Variants in DEAF1 observed in about 807,000 individuals in gnomAD.
DEAF1 encodes deformed epidermal autoregulatory factor 1 homolog.
DEAF1 carries 53 observed loss-of-function variants against 58.9 expected under a neutral mutation model. The observed-to-expected ratio is 0.90, with a 90% CI of 0.72 to 1.13. DEAF1 has a LOEUF of 1.13. Ranked by LOEUF, DEAF1 falls within the 50% of genes most tolerant of loss-of-function variation. DEAF1 has a pLI of 0.00. For synonymous variants in DEAF1, 385 were observed against 340.4 expected, an observed-to-expected ratio of 1.13 and a Z score of -1.44; for missense variants, 685 against 791.4, an observed-to-expected ratio of 0.87 and a Z score of 1.61.
chr11:674,870 C>A, intron 9 of DEAF1, 87 bp from the exon 10 acceptor site: 1 of 1,574,114 alleles, frequency 6.4e-7, no homozygotes, highest in South Asian at 1.1e-5. Flanking sequence ...CTCAGCCGGG[C>A]GCGGTGGCTC....
upstream of DEAF1, chr11:699,109 A>C: frequency 1.8e-6 from 1 of 549,240 alleles, no homozygotes; most frequent in Non-Finnish European, 3.2e-6. Flanking sequence ...AAAGTGGCTA[A>C]GCACGCCACA....
upstream of DEAF1, among the ~76,000 whole-genome samples, chr11:696,716 T>C (rs1352429780): frequency 1.3e-5 from 2 of 152,200 alleles, no homozygotes; most frequent in African/African-American, 4.8e-5. Context: ...CAGTGAGCCG[T>C]GATGGCGCCA....
At chr11:676,905 C>G (rs983558197) in intron 9 of DEAF1, among the ~76,000 whole-genome samples, 3 of 152,196 alleles carry the variant, frequency 2.0e-5, no homozygotes, top group Non-Finnish European at 4.4e-5. Context: ...TGGTTTTCAA[C>G]ACACACAGAT....
chr11:673,574 G>A (rs921598742), intron 10 of DEAF1, among the ~76,000 whole-genome samples: 2 of 152,100 alleles, frequency 1.3e-5, no homozygotes, highest in African/African-American at 2.4e-5. Context: ...GGGGGAAAAC[G>A]TTTCTTACAT....
At chr11:689,245 A>G (rs1860731803) in intron 2 of DEAF1, among the ~76,000 whole-genome samples, 1 of 121,400 alleles carries the variant, frequency 8.2e-6, no homozygotes, top group Middle Eastern at 6.4e-3. Flanking sequence ...TCGTTCTGTC[A>G]CCCAGGCTGG....
At chr11:666,591 G>C (rs1353205479) in intron 10 of DEAF1, 1 of 152,208 alleles carries the variant, frequency 6.6e-6, no homozygotes, top group African/African-American at 2.4e-5. Flanking sequence ...TGTAGTCCCA[G>C]CTACTCGGGA....
At chr11:652,102 C>T (rs149321046) in intron 11 of DEAF1, among the ~76,000 whole-genome samples, 1 of 152,208 alleles carries the variant, frequency 6.6e-6, no homozygotes, top group Non-Finnish European at 1.5e-5. Context: ...TAGGCCCTAA[C>T]ACAAATCTCA....
intron 1 of DEAF1, chr11:700,344 T>C (rs1590036440): frequency 2.0e-6 from 2 of 1,018,632 alleles, no homozygotes; most frequent in East Asian, 2.4e-5. Flanking sequence ...CAGGCCAACA[T>C]GGGGAAACCC....
intron 11 of DEAF1, among the ~76,000 whole-genome samples, chr11:651,580 G>A (rs1858774537): frequency 6.6e-6 from 1 of 151,906 alleles, no homozygotes; most frequent in East Asian, 1.9e-4. Context: ...CAGGCATAAT[G>A]GCAGATAAAA....
upstream of DEAF1, chr11:695,277 G>A: frequency 2.2e-6 from 1 of 463,510 alleles, no homozygotes; most frequent in Non-Finnish European, 3.7e-6. Context: ...AGCCGAACCT[G>A]CACGAAGCCG....
At chr11:683,809 C>T (rs1860472336) in intron 6 of DEAF1, among the ~76,000 whole-genome samples, 1 of 152,156 alleles carries the variant, frequency 6.6e-6, no homozygotes, top group Non-Finnish European at 1.5e-5. Flanking sequence ...TCAGCATTTT[C>T]TTTAGTATCT....
At chr11:685,012 G>T (rs1403921002) in intron 5 of DEAF1, 49 bp from the exon 6 acceptor site, 2 of 1,409,916 alleles carry the variant, frequency 1.4e-6, no homozygotes, top group Non-Finnish European at 9.8e-7. Context: ...GCCCCTAAAT[G>T]TCAATCATTC....
Position 644,353 on chromosome 11 carries a change from A to T in DEAF1, c.*197T>A, listed in dbSNP as rs76700409. On this transcript the variant is annotated 3_prime_UTR_variant, in exon 12 of 12. Coordinates refer to ENST00000382409, the MANE Select transcript of DEAF1 (RefSeq NM_021008.4). This position sits in a 1 kb window ranked among gnomAD's most constrained non-coding sequence, Gnocchi z 4.3. ...ATAAAAAATCTGTCCGCGAGCGGGC[A>T]GGGGGCCCGGGCAGGGGGAGTGCGC... 3.2e-6 allele frequency: 2 copies of T among 631,112 alleles called. No homozygotes were observed. Among genetic ancestry groups the T allele is most frequent in the Non-Finnish European group, 2.9e-6 (1 of 350,222 alleles). The allele number at this position is 631,112 out of a possible 1,614,324, so 39.1% of individuals were successfully genotyped here. A position where few individuals can be genotyped will look rare whatever the true frequency, so the allele number is the denominator to read the frequency against.
chr11:678,463 C>G (rs1860180733), intron 9 of DEAF1: 2 of 526,868 alleles, frequency 3.8e-6, no homozygotes, highest in Non-Finnish European at 6.7e-6. Context: ...TGCCCTGCTG[C>G]TGTACCAAAA....
intron 11 of DEAF1, among the ~76,000 whole-genome samples, chr11:647,194 G>A (rs1340051569): frequency 2.6e-5 from 4 of 151,976 alleles, no homozygotes; most frequent in Non-Finnish European, 5.9e-5. Flanking sequence ...GGTGGCTCAT[G>A]CCAGTAATCT....
At chr11:659,896 TG>T (rs2133313439) in intron 10 of DEAF1, among the ~76,000 whole-genome samples, 1 of 152,246 alleles carries the variant, frequency 6.6e-6, no homozygotes, top group African/African-American at 2.4e-5. Flanking sequence ...AACCGGAAGC[TG>T]GGGAGTCCCA....
At position 688,718 on chromosome 11, in the gene DEAF1, A is replaced by G. The variant is rs1487228762; in HGVS notation, c.388-258T>C. 6.6e-6 allele frequency among the ~76,000 whole-genome samples: 1 copy of G among 152,180 alleles called. No individual in the cohort carries two copies. Among genetic ancestry groups the G allele is most frequent in the Non-Finnish European group, 1.5e-5 (1 of 68,046 alleles). On this transcript the variant is annotated intron_variant, in intron 2 of 11. Coordinates refer to ENST00000382409, the MANE Select transcript of DEAF1 (RefSeq NM_021008.4). The surrounding 1 kb of genome is among the most constrained non-coding windows in gnomAD (Gnocchi z 4.3). ...ATCATTTGTCAAAGGGAAGGAAGAA[A>G]GGTGCTCCACAAACAAGAAACACCC...
At chr11:674,893 C>T in intron 9 of DEAF1, 110 bp from the exon 10 acceptor site, 1 of 1,485,352 alleles carries the variant, frequency 6.7e-7, no homozygotes, top group Non-Finnish European at 9.2e-7. Context: ...GCCTGTAATC[C>T]CAGCACTTTG....
At chr11:701,562 C>A (rs2133469955) in intron 1 of DEAF1, among the ~76,000 whole-genome samples, 2 of 152,212 alleles carry the variant, frequency 1.3e-5, no homozygotes, top group Middle Eastern at 6.8e-3. Flanking sequence ...AGGTGCCCGC[C>A]ACCACGCCCG....
Sources: gnomAD v4.1 joint callset for allele counts (sites outside exome capture counted in the v4.1 genomes callset) on GRCh38, gnomAD v4.1.1 for gene constraint, Gnocchi (gnomAD v3.1) non-coding constraint, MANE v1.5 for transcripts, NCBI Gene and HGNC (gene_info 2026-07-23, HGNC 2026-07-21) for gene names.